The following SIN3A variants were observed in gnomAD, a reference collection of about 807,000 sequenced individuals.
SIN3A encodes paired amphipathic helix protein Sin3a.
A neutral mutation model predicts 146.1 loss-of-function variants in SIN3A; 14 were observed. The observed-to-expected ratio is 0.10, with a 90% CI of 0.06 to 0.15. The LOEUF (loss-of-function observed/expected upper bound fraction) is 0.15. Among genes scored for constraint, SIN3A ranks in the 10% least tolerant of loss-of-function variants. The pLI is 1.00. For synonymous variants in SIN3A, 572 were observed against 572.0 expected (o/e 1.00, Z 0.00); for missense variants, 1,028 against 1,576.0 (o/e 0.65, Z 5.89).
At chr15:75,447,747 G>A (rs1335480285) in intron 1 of SIN3A, 1 of 152,176 alleles carries the variant, frequency 6.6e-6, no homozygotes, top group Non-Finnish European at 1.5e-5. Context: ...CCTAGCCCTG[G>A]AGGACACCAA....
intron 4 of SIN3A, among the ~76,000 whole-genome samples, chr15:75,413,716 G>T (rs2141502934): frequency 6.6e-6 from 1 of 151,952 alleles, no homozygotes; most frequent in South Asian, 2.1e-4. Flanking sequence ...GCTAATTTTT[G>T]GAATGGTCAA....
chr15:75,433,552 C>CT (rs2074051294), intron 1 of SIN3A, among the ~76,000 whole-genome samples: 1 of 152,106 alleles, frequency 6.6e-6, no homozygotes, highest in Admixed American at 6.6e-5. Context: ...TACTTTATTC[C>CT]TTTAACAATT....
At chr15:75,421,801 T>C (rs1169400611) in intron 3 of SIN3A, 1 of 152,154 alleles carries the variant, frequency 6.6e-6, no homozygotes, top group African/African-American at 2.4e-5. Flanking sequence ...AACAATCACA[T>C]ATTTTGAAAA....
At chr15:75,428,806 A>G (rs2073967514) in intron 2 of SIN3A, among the ~76,000 whole-genome samples, 1 of 152,072 alleles carries the variant, frequency 6.6e-6, no homozygotes, top group African/African-American at 2.4e-5. Context: ...CAACAACACA[A>G]GTCCACTTAT....
upstream of SIN3A, chr15:75,454,995 G>T (rs1352825479): frequency 1.3e-5 from 2 of 152,058 alleles, no homozygotes; most frequent in Non-Finnish European, 2.9e-5. Context: ...CCGGCAGCTC[G>T]CAGGGCTAGC....
chr15:75,408,097 G>A (rs1005975469), intron 8 of SIN3A, among the ~76,000 whole-genome samples: 8 of 152,058 alleles, frequency 5.3e-5, no homozygotes, highest in Admixed American at 5.3e-4. Context: ...CTATCTCAGA[G>A]TATACTTTCT....
chr15:75,452,584 C>A (rs536896251), upstream of SIN3A, among the ~76,000 whole-genome samples: 3 of 152,368 alleles, frequency 2.0e-5, no homozygotes, highest in South Asian at 6.2e-4. Flanking sequence ...GGTCTGGAGA[C>A]CTAGGCGGAG....
intron 18 of SIN3A, 50 bp downstream of exon 18, chr15:75,381,563 G>A (rs2072970102): frequency 5.0e-6 from 7 of 1,405,910 alleles, no homozygotes; most frequent in Non-Finnish European, 7.0e-6. Context: ...GACTCTCAAG[G>A]CACGCCAGCT....
intron 9 of SIN3A, among the ~76,000 whole-genome samples, chr15:75,405,958 A>G (rs1295327721): frequency 1.3e-5 from 2 of 152,128 alleles, no homozygotes; most frequent in Non-Finnish European, 2.9e-5. Flanking sequence ...AATGATTCAC[A>G]TCAGAGCTAA....
intron 9 of SIN3A, among the ~76,000 whole-genome samples, chr15:75,404,567 C>T (rs1280141013): frequency 6.6e-6 from 1 of 152,046 alleles, no homozygotes; most frequent in Non-Finnish European, 1.5e-5. Context: ...TCGAGACAGC[C>T]TGGCCAACAT....
intron 2 of SIN3A, among the ~76,000 whole-genome samples, chr15:75,426,527 G>T (rs1056025277): frequency 1.3e-5 from 2 of 152,172 alleles, no homozygotes; most frequent in Middle Eastern, 3.2e-3. Flanking sequence ...GAGGTTGAAG[G>T]CCTCCCCAGA....
At chr15:75,423,512 A>G (rs1010944294) in intron 2 of SIN3A, among the ~76,000 whole-genome samples, 12 of 152,026 alleles carry the variant, frequency 7.9e-5, no homozygotes, top group African/African-American at 2.9e-4. Context: ...CCCCGTCTCT[A>G]CTAAAAATAC....
chr15:75,428,028 A>T (rs1304596287), intron 2 of SIN3A, among the ~76,000 whole-genome samples: 1 of 152,166 alleles, frequency 6.6e-6, no homozygotes, highest in Non-Finnish European at 1.5e-5. Context: ...AAAAAACCAA[A>T]GTGATACATT....
At chr15:75,410,593 T>C (rs754061911) in intron 6 of SIN3A, among the ~76,000 whole-genome samples, 2 of 150,832 alleles carry the variant, frequency 1.3e-5, no homozygotes, top group Admixed American at 6.6e-5. Flanking sequence ...TGAGACACCA[T>C]GCCCGGCCTA....
chr15:75,385,029 C>T (rs1215206562), intron 16 of SIN3A, among the ~76,000 whole-genome samples: 5 of 152,080 alleles, frequency 3.3e-5, no homozygotes, highest in Admixed American at 1.3e-4. Flanking sequence ...CACAAATAGC[C>T]GGGCGTGGTG....
Position 75,430,204 on chromosome 15 carries a change from C to T in SIN3A, c.172G>A (p.Val58Ile), listed in dbSNP as rs747040558. The T allele has an allele frequency of 1.9e-6, 3 of 1,614,074 alleles. No individual in the cohort carries two copies. Among genetic ancestry groups the T allele is most frequent in the East Asian group, 2.2e-5 (1 of 44,888 alleles). ...CAGCTTACCTGGTAGCTGGGTGTTA[C>T]AGAGTACTGAATTCCCGTAGCTGAC... ...MQSATGIQYS[V>I]TPSYQVSAMP... The change falls in exon 2 of 21, where the codon GTA becomes ATA. Residue 58 changes from valine (V) to isoleucine (I), a missense_variant. By Grantham distance (29) the Val-to-Ile change is conservative (BLOSUM62 3). This residue lies in a region of SIN3A where 152 missense variants were observed against 231.5 expected (regional missense o/e 0.66). Coordinates refer to ENST00000394947, the MANE Select transcript of SIN3A (RefSeq NM_001145358.2).
intron 1 of SIN3A, among the ~76,000 whole-genome samples, chr15:75,440,982 C>CAAAAAAAA (rs769091157): frequency 4.2e-5 from 3 of 71,560 alleles, no homozygotes; most frequent in African/African-American, 1.0e-4. Context: ...GACTCTGTCT[C>CAAAAAAAA]AAAAAAAAAA....
At chr15:75,392,895 TC>T in intron 14 of SIN3A, 80 bp from the exon 15 acceptor site, 1 of 1,042,032 alleles carries the variant, frequency 9.6e-7, no homozygotes, top group Non-Finnish European at 1.4e-6. Context: ...CAGCCATACA[TC>T]CCATTATCAA....
chr15:75,393,032 T>C (rs1595895214), intron 14 of SIN3A, among the ~76,000 whole-genome samples: 1 of 152,052 alleles, frequency 6.6e-6, no homozygotes, highest in South Asian at 2.1e-4. Flanking sequence ...GAGTTTGAGA[T>C]CAGCCTGGCC....
Sources: allele counts gnomAD v4.1 joint callset (sites outside exome capture counted in the v4.1 genomes callset), GRCh38; gene constraint gnomAD v4.1.1; regional missense constraint gnomAD v4.1.1; transcripts MANE v1.5; gene names NCBI Gene and HGNC (gene_info 2026-07-23, HGNC 2026-07-21).